MYH14: variants seen among roughly 807,000 people sequenced by gnomAD.
MYH14 encodes myosin-14.
Under a neutral mutation model 255.5 loss-of-function variants are expected in MYH14, and 123 were observed. The ratio of observed to expected loss-of-function variants is 0.48; its 90% CI spans 0.42 to 0.56. The LOEUF is 0.56. Ranked by LOEUF, MYH14 falls within the 20% of genes least tolerant of loss-of-function variation. The pLI, the probability that MYH14 is intolerant of heterozygous loss-of-function variation, is 0.00. For synonymous variants in MYH14, 1,095 were observed against 1,161.2 expected, an observed-to-expected ratio of 0.94 and a Z score of 1.16; for missense variants, 2,423 against 2,802.3, an observed-to-expected ratio of 0.86 and a Z score of 3.06.
intron 41 of MYH14, 102 bp from the exon 42 acceptor site, chr19:50,308,903 G>C: frequency 4.4e-6 from 5 of 1,141,012 alleles, no homozygotes; most frequent in Non-Finnish European, 5.0e-6. Flanking sequence ...GGGGCAGAGA[G>C]AGTCAGGGGG....
chr19:50,206,735 G>A (rs1046775299), intron 1 of MYH14, among the ~76,000 whole-genome samples: 2 of 152,084 alleles, frequency 1.3e-5, no homozygotes, highest in African/African-American at 4.8e-5. Context: ...CAGATCCAGG[G>A]GGGCCTCCAG....
Position 50,300,269 on chromosome 19 carries a change from A to C in MYH14, c.5470-1392A>C, listed in dbSNP as rs75877043. On this transcript the variant is annotated intron_variant, in intron 39 of 42. Coordinates refer to ENST00000642316, the MANE Select transcript of MYH14 (RefSeq NM_001145809.2). ...GACACCCACACACATCCATGTTCAG[A>C]GACAGGAAGCAGCAGGGTCATGGGG... 2.4e-3 allele frequency among the ~76,000 whole-genome samples: 368 copies of C among 152,278 alleles called. 2 individuals are homozygous for C. Among genetic ancestry groups the C allele is most frequent in the African/African-American group, 8.5e-3 (355 of 41,548 alleles).
intron 40 of MYH14, among the ~76,000 whole-genome samples, chr19:50,305,064 T>C (rs541325919): frequency 7.9e-5 from 12 of 152,166 alleles, no homozygotes; most frequent in Admixed American, 7.2e-4. Flanking sequence ...AACTCTGTTC[T>C]GTGGGCAGTG....
chr19:50,271,292 C>G (rs956209374), intron 24 of MYH14, 117 bp from the exon 25 acceptor site: 6 of 1,036,270 alleles, frequency 5.8e-6, no homozygotes, highest in Non-Finnish European at 8.4e-6. Flanking sequence ...AGGGCATGGA[C>G]ATCTCTGAAC....
chr19:50,266,147 G>A lies in MYH14; in HGVS notation c.2695-730G>A, dbSNP rs2035073698. 1.3e-5 allele frequency among the ~76,000 whole-genome samples: 2 copies of A among 152,222 alleles called. No individual in the cohort carries two copies. Among genetic ancestry groups the A allele is most frequent in the African/African-American group, 4.8e-5 (2 of 41,460 alleles). ...TATCAGAGCAGATCTCACTTAGCAA[G>A]GGCGACGAGGTTTTGTGAAATTTTT... is the stretch of plus-strand genomic sequence containing the variant. On this transcript the variant is annotated intron_variant, in intron 22 of 42. Coordinates refer to ENST00000642316, the MANE Select transcript of MYH14 (RefSeq NM_001145809.2). The surrounding 1 kb of genome is among the most constrained non-coding windows in gnomAD (Gnocchi z 4.1).
At position 50,227,041 on chromosome 19, in the gene MYH14, C is replaced by T; in HGVS notation, c.874+75C>T. On this transcript the variant is annotated intron_variant, in intron 8 of 42. Transcript: ENST00000642316. ...AGACAGCACTGAGTATGGAAAGCAC[C>T]TCCCACTGCAGGGACCCCTTACCTG... The T allele has an allele frequency of 3.4e-6, 5 of 1,471,040 alleles. No homozygotes were observed. In the South Asian group the frequency reaches 5.7e-5, roughly 17 times the overall value. The allele number at this position is 1,471,040 out of a possible 1,614,324, so 91.1% of individuals were successfully genotyped here.
intron 39 of MYH14, among the ~76,000 whole-genome samples, chr19:50,297,033 T>C (rs572997734): frequency 1.3e-5 from 2 of 152,170 alleles, no homozygotes; most frequent in South Asian, 2.1e-4. Flanking sequence ...TCACCCAGAC[T>C]GGAGTGCCGT....
In MYH14 at chr19:50,234,622, A is replaced by G. The variant is rs559775800; in HGVS notation, c.1114+2552A>G. Among the ~76,000 whole-genome samples, 278 of 135,270 alleles carry G rather than the reference A, an allele frequency of 2.1e-3. 2 individuals carry two copies. The highest frequency in any genetic ancestry group is 2.6e-3 in the Non-Finnish European group (170 of 65,368). 88.7% of individuals were successfully genotyped at this position (135,270 alleles called of 152,430 possible). A position where few individuals can be genotyped will look rare whatever the true frequency, so the allele number is the denominator to read the frequency against. ...AGGGTTGCATAATTCCCCAGCCTGC[A>G]TGACTCCGCAGCTGGGCAGCTGGCA... On this transcript the variant is annotated intron_variant, in intron 10 of 42. Transcript: ENST00000642316.
At chr19:50,257,815 A>AT (rs1467792076) in intron 18 of MYH14, among the ~76,000 whole-genome samples, 1 of 152,154 alleles carries the variant, frequency 6.6e-6, no homozygotes, top group African/African-American at 2.4e-5. Flanking sequence ...GTCCAGTTAA[A>AT]TCTGTAGGGG....
chr19:50,297,639 G>C (rs545855174), intron 39 of MYH14, among the ~76,000 whole-genome samples: 1 of 150,792 alleles, frequency 6.6e-6, no homozygotes, highest in Non-Finnish European at 1.5e-5. Context: ...CTGGATTACA[G>C]GCGCCCACCA....
At chr19:50,207,977 G>A (rs376054677) in intron 1 of MYH14, among the ~76,000 whole-genome samples, 26 of 152,152 alleles carry the variant, frequency 1.7e-4, no homozygotes, top group African/African-American at 5.5e-4. Flanking sequence ...CCCCTTCCTC[G>A]CTCCTGTCAT....
chr19:50,286,743 G>T (rs764847407), intron 34 of MYH14, 49 bp downstream of exon 34: 3 of 1,458,354 alleles, frequency 2.1e-6, no homozygotes, highest in Non-Finnish European at 2.8e-6. Flanking sequence ...GGGGAGACAC[G>T]TACATGCATG....
At chr19:50,238,672 G>C (rs777363874) in intron 10 of MYH14, among the ~76,000 whole-genome samples, 2 of 152,040 alleles carry the variant, frequency 1.3e-5, no homozygotes, top group African/African-American at 4.8e-5. Context: ...GGCTGGTCTC[G>C]AACTCCTGAC....
In MYH14 at chr19:50,268,240, G is replaced by T; in HGVS notation, c.2906G>T (p.Gly969Val). The change falls in exon 24 of 43, where the codon GGG (glycine) becomes GTG (valine). Residue 969 changes from glycine to valine, a missense_variant. By Grantham distance (109) the Gly-to-Val change is moderately radical. Around this residue, in one of 3 missense-constraint regions of MYH14, gnomAD observed 1,513 missense variants for 1,674.8 expected, o/e 0.90. Transcript: ENST00000642316. ...ELCAEAEETR[G>V]RLAARKQELE... ...TGTGCAGAGGCCGAGGAGACGCGGG[G>T]GAGGCTGGCAGCCCGCAAGCAGGAG... is the stretch of plus-strand genomic sequence containing the variant. 6.4e-7 allele frequency: 1 copy of T among 1,566,170 alleles called. No homozygotes were observed. Among genetic ancestry groups the T allele is most frequent in the Non-Finnish European group, 8.7e-7 (1 of 1,155,836 alleles).
intron 2 of MYH14, 130 bp from the exon 3 acceptor site, chr19:50,217,485 T>A (rs1484910532): frequency 1.9e-6 from 2 of 1,038,668 alleles, no homozygotes; most frequent in African/African-American, 3.1e-5. Context: ...CAAATCTACA[T>A]TGTTATGGTG....
chr19:50,288,409 A>G (rs1274679836), intron 34 of MYH14, among the ~76,000 whole-genome samples: 3 of 152,216 alleles, frequency 2.0e-5, no homozygotes, highest in African/African-American at 7.2e-5. Flanking sequence ...TAATTGAGCT[A>G]AAACCCAGCT....
rs563757102 is a variant in MYH14 at position 50,227,208 on chromosome 19, G to C, written c.874+242G>C. On this transcript the variant is annotated intron_variant, in intron 8 of 42. Transcript: ENST00000642316. ...CAGTTCAGCCATAAGGGGAGTCCCA[G>C]CACTTAGCCTGCAGTGGCACTCATG... is the stretch of plus-strand genomic sequence containing the variant. Among the ~76,000 whole-genome samples the C allele has an allele frequency of 5.9e-5, 9 of 152,148 alleles. No individual in the cohort carries two copies. The South Asian group carries it at 1.9e-3, about 32-fold the overall frequency.
intron 1 of MYH14, among the ~76,000 whole-genome samples, chr19:50,205,843 A>G (rs2031713903): frequency 6.6e-6 from 1 of 150,686 alleles, no homozygotes; most frequent in African/African-American, 2.4e-5. Flanking sequence ...GGTCTGAGAC[A>G]GGAGGGCATT....
intron 39 of MYH14, among the ~76,000 whole-genome samples, chr19:50,296,026 T>C (rs1309452505): frequency 6.6e-6 from 1 of 151,728 alleles, no homozygotes; most frequent in African/African-American, 2.4e-5. Flanking sequence ...AGAGAATTGC[T>C]TGAACCCAGG....
Sources: gnomAD v4.1 joint callset for allele counts (sites outside exome capture counted in the v4.1 genomes callset) on GRCh38, gnomAD v4.1.1 for gene constraint, gnomAD v4.1.1 regional missense constraint, Gnocchi (gnomAD v3.1) non-coding constraint, MANE v1.5 for transcripts, NCBI Gene and HGNC (gene_info 2026-07-23, HGNC 2026-07-21) for gene names.